Variants in GOPC observed in about 807,000 individuals in gnomAD.
GOPC encodes the protein golgi associated PDZ and coiled-coil motif containing.
In GOPC, 32 loss-of-function variants were observed where a neutral mutation model predicts 51.2. The observed-to-expected ratio is 0.63, with a 90% CI of 0.47 to 0.84. The LOEUF (loss-of-function observed/expected upper bound fraction) is 0.84, where lower values mean the gene tolerates loss of function less well. GOPC is among the 40% of genes least tolerant of loss of function. The probability of loss-of-function intolerance (pLI) is 0.00; values close to 1 mark genes in which losing one functional copy is unlikely to be tolerated. For missense variants in GOPC, 441 were observed against 555.5 expected (o/e 0.79, Z 2.07); for synonymous variants, 190 against 205.1 (o/e 0.93, Z 0.63).
intron 1 of GOPC, among the ~76,000 whole-genome samples, chr6:117,587,849 A>G (rs1780056159): frequency 6.6e-6 from 1 of 151,752 alleles, no homozygotes; most frequent in South Asian, 2.1e-4. Flanking sequence ...ATGCACTTGT[A>G]GTTTTTGTCA....
At chr6:117,581,415 A>T (rs1051135161) in intron 1 of GOPC, among the ~76,000 whole-genome samples, 3 of 151,996 alleles carry the variant, frequency 2.0e-5, no homozygotes, top group African/African-American at 7.3e-5. Context: ...AGGGAAGTAC[A>T]CAAGTAACAC....
At chr6:117,563,442 T>TTATTGCGGCA in intron 8 of GOPC, 58 bp from the exon 9 acceptor site, 1 of 1,547,682 alleles carries the variant, frequency 6.5e-7, no homozygotes, top group Non-Finnish European at 8.8e-7. Flanking sequence ...TTGGTTTTGG[T>TTATTGCGGCA]CAGGTGCAGT....
At chr6:117,591,888 A>G (rs1023813462) in intron 1 of GOPC, among the ~76,000 whole-genome samples, 1 of 152,224 alleles carries the variant, frequency 6.6e-6, no homozygotes, top group Non-Finnish European at 1.5e-5. Context: ...TCAGGCAACC[A>G]AAGGATGGTT....
chr6:117,569,971 G>T (rs1159234190), intron 6 of GOPC: 2 of 321,724 alleles, frequency 6.2e-6, no homozygotes, highest in Non-Finnish European at 5.5e-6. Context: ...GTACTCCATA[G>T]CACCATTACA....
chr6:117,594,146 C>G (rs944274167), intron 1 of GOPC, among the ~76,000 whole-genome samples: 2 of 152,204 alleles, frequency 1.3e-5, no homozygotes, highest in Non-Finnish European at 1.5e-5. Flanking sequence ...AATAGTCCCT[C>G]TCTGTCTGTT....
At position 117,595,462 on chromosome 6, in the gene GOPC, G is replaced by A. The variant is rs529584422; in HGVS notation, c.285+6542C>T. Among the ~76,000 whole-genome samples the A allele has an allele frequency of 2.6e-5, 4 of 152,228 alleles. No homozygotes were observed. The East Asian group carries it at 7.7e-4, about 29-fold the overall frequency. ...TTTGGTTATGTGAATAAGTTATTTA[G>A]TGGTGATTTCTGAGATTCTGGTGCA... On this transcript the variant is annotated intron_variant, in intron 1 of 8. Coordinates refer to ENST00000368498, the MANE Select transcript of GOPC (RefSeq NM_020399.4).
At chr6:117,595,100 G>A (rs534201289) in intron 1 of GOPC, among the ~76,000 whole-genome samples, 1 of 152,244 alleles carries the variant, frequency 6.6e-6, no homozygotes, top group South Asian at 2.1e-4. Context: ...GATTTTAAAG[G>A]GAAAAAGGAA....
At chr6:117,571,653 T>C (rs1394786393) in intron 5 of GOPC, among the ~76,000 whole-genome samples, 1 of 152,160 alleles carries the variant, frequency 6.6e-6, no homozygotes, top group Non-Finnish European at 1.5e-5. Context: ...TCTACTTCCT[T>C]GCCACTCACA....
rs41291924 is a variant in GOPC, at chr6:117,560,275, G to A, written c.*2979C>T. The A allele has an allele frequency of 0.014, 2,501 of 173,338 alleles. 31 individuals are homozygous for A. The highest frequency in any genetic ancestry group is 0.056 in the Middle Eastern group (24 of 426). The allele number at this position is 173,338 out of a possible 1,614,324, so 10.7% of individuals were successfully genotyped here. Reference sequence around the variant, plus strand: ...TAAATAACAAGCCAAAATATTTAACGTCAAGGAAACAAAATGTTTATTTAA... The same window carrying A: ...TAAATAACAAGCCAAAATATTTAACATCAAGGAAACAAAATGTTTATTTAA... On this transcript the variant is annotated 3_prime_UTR_variant, in exon 9 of 9. Coordinates refer to ENST00000368498, the MANE Select transcript of GOPC (RefSeq NM_020399.4).
chr6:117,599,681 T>A (rs1771960538), intron 1 of GOPC, among the ~76,000 whole-genome samples: 1 of 152,230 alleles, frequency 6.6e-6, no homozygotes, highest in Non-Finnish European at 1.5e-5. Flanking sequence ...CATTGTGATA[T>A]GCTAGCATTT....
chr6:117,580,820 C>T (rs1583057868), intron 1 of GOPC, among the ~76,000 whole-genome samples: 1 of 152,162 alleles, frequency 6.6e-6, no homozygotes, highest in South Asian at 2.1e-4. Context: ...TATCAAATGA[C>T]ATGTTATCAT....
intron 1 of GOPC, among the ~76,000 whole-genome samples, chr6:117,586,803 C>T (rs1160876158): frequency 1.3e-5 from 2 of 152,126 alleles, no homozygotes; most frequent in Admixed American, 1.3e-4. Flanking sequence ...ACAACAGAGG[C>T]AGAACCATTC....
Position 117,562,312 on chromosome 6 carries a change from G to A in GOPC, c.*942C>T, listed in dbSNP as rs2114596324. The A allele has an allele frequency of 4.9e-6, 1 of 203,450 alleles. No homozygotes were observed. Among genetic ancestry groups the A allele is most frequent in the Admixed American group, 6.0e-5 (1 of 16,788 alleles). 12.6% of individuals were successfully genotyped at this position (203,450 alleles called of 1,614,324 possible). A position where few individuals can be genotyped will look rare whatever the true frequency, so the allele number is the denominator to read the frequency against. ...TTACTTAGAAAGAAAACTGCCGTTTGATTTGAATGTACTGTGTTTCATGAC... is the reference window on the plus strand; with the variant it reads ...TTACTTAGAAAGAAAACTGCCGTTTAATTTGAATGTACTGTGTTTCATGAC... On this transcript the variant is annotated 3_prime_UTR_variant, in exon 9 of 9. Transcript: ENST00000368498.
chr6:117,567,099 A>G, intron 7 of GOPC, 65 bp from the exon 8 acceptor site: 1 of 1,277,068 alleles, frequency 7.8e-7, no homozygotes, highest in Non-Finnish European at 1.1e-6. Flanking sequence ...AGGATTTCCA[A>G]ATTCTTTGTG....
At chr6:117,565,081 A>G (rs1779668180) in intron 8 of GOPC, among the ~76,000 whole-genome samples, 1 of 152,226 alleles carries the variant, frequency 6.6e-6, no homozygotes, top group African/African-American at 2.4e-5. Flanking sequence ...ATCTAAAAAA[A>G]AATTCATTTC....
Position 117,562,413 on chromosome 6 carries a change from T to C in GOPC, c.*841A>G, listed in dbSNP as rs918379596. 6 of 200,828 alleles carry C rather than the reference T, an allele frequency of 3.0e-5. No homozygotes were observed. Among genetic ancestry groups the C allele is most frequent in the Middle Eastern group, 1.7e-3 (1 of 592 alleles). The allele number at this position is 200,828 out of a possible 1,614,324, so 12.4% of individuals were successfully genotyped here. On this transcript the variant is annotated 3_prime_UTR_variant, in exon 9 of 9. Coordinates refer to ENST00000368498, the MANE Select transcript of GOPC (RefSeq NM_020399.4). ...CAGGACTATCACAAGACAAACTTTA[T>C]GAACAACTCAAAATGTATAAAACTG...
rs1171270706 is a variant in GOPC at position 117,561,138 on chromosome 6, T to C, written c.*2116A>G. On this transcript the variant is annotated 3_prime_UTR_variant, in exon 9 of 9. Transcript: ENST00000368498. Reference sequence around the variant, plus strand: ...CAGGAATGAAAAGGAAACTGACCTGTGGAGTTTTAAACTACCTGGAAACTT... The same window carrying C: ...CAGGAATGAAAAGGAAACTGACCTGCGGAGTTTTAAACTACCTGGAAACTT... 4.5e-6 allele frequency: 1 copy of C among 224,188 alleles called. No homozygotes were observed. The highest frequency in any genetic ancestry group is 8.9e-6 in the Non-Finnish European group (1 of 112,498). The allele number at this position is 224,188 out of a possible 1,614,324, so 13.9% of individuals were successfully genotyped here. A position where few individuals can be genotyped will look rare whatever the true frequency, so the allele number is the denominator to read the frequency against.
chr6:117,569,752 G>T lies in GOPC; in HGVS notation c.913-16C>A, dbSNP rs1779770131. 5 of 1,557,744 alleles carry T rather than the reference G, an allele frequency of 3.2e-6. No individual in the cohort carries two copies. Among genetic ancestry groups the T allele is most frequent in the Admixed American group, 4.4e-5 (2 of 45,904 alleles). ...CTTTCCCACCCTAACAACAACAAAG[G>T]GCAGTAAATTAAAGTACTCTTTGTA... On this transcript the variant is annotated splice_polypyrimidine_tract_variant and intron_variant, in intron 6 of 8. Transcript: ENST00000368498.
intron 1 of GOPC, among the ~76,000 whole-genome samples, chr6:117,592,591 T>C (rs1780134568): frequency 6.6e-6 from 1 of 152,146 alleles, no homozygotes; most frequent in African/African-American, 2.4e-5. Context: ...AGCCTTCTTC[T>C]CTGTGTCTGT....
Sources: gnomAD v4.1 joint callset for allele counts (sites outside exome capture counted in the v4.1 genomes callset) on GRCh38, gnomAD v4.1.1 for gene constraint, MANE v1.5 for transcripts, NCBI Gene and HGNC (gene_info 2026-07-23, HGNC 2026-07-21) for gene names.